The following OPRM1 variants were observed in gnomAD, a reference collection of about 807,000 sequenced individuals.
OPRM1 encodes the protein opioid receptor mu 1.
OPRM1 carries 27 observed loss-of-function variants against 31.8 expected under a neutral mutation model. The ratio of observed to expected loss-of-function variants is 0.85; its 90% CI spans 0.63 to 1.17. OPRM1 has a LOEUF of 1.17. Among genes scored for constraint, OPRM1 ranks in the 50% most tolerant of loss-of-function variants. OPRM1 has a pLI of 0.00. For synonymous variants in OPRM1, 196 were observed against 189.9 expected, an observed-to-expected ratio of 1.03 and a Z score of -0.26; for missense variants, 536 against 511.1, an observed-to-expected ratio of 1.05 and a Z score of -0.47.
At chr6:154,087,850 A>G (rs1291536093) in intron 1 of OPRM1, 1 of 152,346 alleles carries the variant, frequency 6.6e-6, no homozygotes, top group Non-Finnish European at 1.5e-5. Flanking sequence ...TCCAATGTTT[A>G]CAAGGTATAC....
intron 3 of OPRM1, among the ~76,000 whole-genome samples, chr6:154,140,513 T>G (rs1216105951): frequency 6.6e-6 from 1 of 151,948 alleles, no homozygotes; most frequent in Non-Finnish European, 1.5e-5. Flanking sequence ...TATTTTTAGT[T>G]GAGACAGGGT....
At chr6:154,147,385 T>C (rs898440917) in intron 3 of OPRM1, among the ~76,000 whole-genome samples, 10 of 152,212 alleles carry the variant, frequency 6.6e-5, no homozygotes, top group African/African-American at 2.4e-4. Flanking sequence ...CAATTGGTCC[T>C]AAAGCCTTCG....
intron 3 of OPRM1, among the ~76,000 whole-genome samples, chr6:154,138,907 A>G (rs1338217932): frequency 1.3e-5 from 2 of 152,182 alleles, no homozygotes; most frequent in Non-Finnish European, 2.9e-5. Flanking sequence ...TGATGGATCA[A>G]CCGGCACTAC....
At chr6:154,199,701 C>T in intron 3 of OPRM1, 1 of 1,613,284 alleles carries the variant, frequency 6.2e-7, no homozygotes, top group Non-Finnish European at 8.5e-7. Flanking sequence ...GCAGGCTTAT[C>T]TGGGACAGTA....
chr6:154,159,729 T>C (rs1209231785), intron 3 of OPRM1: 1 of 863,586 alleles, frequency 1.2e-6, no homozygotes, highest in Non-Finnish European at 1.8e-6. Flanking sequence ...CTTGAAGGAC[T>C]GGGTTTCAGT....
At chr6:154,100,220 T>C (rs1794580034) in intron 3 of OPRM1, among the ~76,000 whole-genome samples, 1 of 147,346 alleles carries the variant, frequency 6.8e-6, no homozygotes, top group Non-Finnish European at 1.5e-5. Flanking sequence ...TATTATGACA[T>C]ATCGTAATAT....
At chr6:154,100,499 T>A (rs971287847) in intron 3 of OPRM1, among the ~76,000 whole-genome samples, 2 of 151,670 alleles carry the variant, frequency 1.3e-5, no homozygotes, top group South Asian at 4.1e-4. Context: ...TAGAAACACA[T>A]GCAAAGAAAT....
intron 3 of OPRM1, among the ~76,000 whole-genome samples, chr6:154,115,111 A>AGTTACTTC (rs1299502837): frequency 6.6e-6 from 1 of 152,212 alleles, no homozygotes; most frequent in Non-Finnish European, 1.5e-5. Flanking sequence ...TAGTGGATAC[A>AGTTACTTC]GTTACTTCCT....
Position 154,090,407 on chromosome 6 carries a change from C to T in OPRM1, c.643+229C>T, listed in dbSNP as rs569085253. 2.8e-4 allele frequency among the ~76,000 whole-genome samples: 42 copies of T among 152,224 alleles called. No homozygotes were observed. The South Asian group carries it at 8.1e-3, about 29-fold the overall frequency. On this transcript the variant is annotated intron_variant, in intron 2 of 3. Coordinates refer to ENST00000330432, the MANE Select transcript of OPRM1 (RefSeq NM_000914.5). ...AATGTAATCTATTTATTTCTGATTT[C>T]TCTGTATTTACTTCATAAAAATGGT...
intron 3 of OPRM1, among the ~76,000 whole-genome samples, chr6:154,094,641 C>T (rs1310176523): frequency 6.6e-6 from 1 of 152,196 alleles, no homozygotes; most frequent in East Asian, 1.9e-4. Flanking sequence ...GTTACCCCAG[C>T]CTTGTTCTCA....
At chr6:154,083,391 A>G (rs967719689) in intron 1 of OPRM1, 1 of 152,256 alleles carries the variant, frequency 6.6e-6, no homozygotes, top group Non-Finnish European at 1.5e-5. Context: ...CTTCTACACA[A>G]TTATTATGGG....
chr6:154,102,467 C>G (rs1374188760), intron 3 of OPRM1, among the ~76,000 whole-genome samples: 7 of 152,090 alleles, frequency 4.6e-5, no homozygotes, highest in Admixed American at 4.6e-4. Context: ...TTCCTTTTCC[C>G]TCAAAACTGA....
At chr6:154,139,171 C>T (rs530190173) in intron 3 of OPRM1, among the ~76,000 whole-genome samples, 19 of 152,342 alleles carry the variant, frequency 1.2e-4, no homozygotes, top group South Asian at 4.1e-4. Flanking sequence ...TTCCCTATTG[C>T]GATTCCCCAG....
chr6:154,051,118 A>G (rs1246946675), intron 1 of OPRM1, among the ~76,000 whole-genome samples: 6 of 152,228 alleles, frequency 3.9e-5, no homozygotes, highest in African/African-American at 1.4e-4. Flanking sequence ...GTAAAGCTCT[A>G]AAACATGGAA....
chr6:154,027,447 T>G (rs2128385525), intron 1 of OPRM1, among the ~76,000 whole-genome samples: 1 of 152,198 alleles, frequency 6.6e-6, no homozygotes, highest in Admixed American at 6.5e-5. Flanking sequence ...CAGCACTGGG[T>G]CTTACTCAAG....
In OPRM1 at chr6:154,128,780, G is replaced by A. The variant is rs901160585; in HGVS notation, c.*10059G>A. On this transcript the variant is annotated 3_prime_UTR_variant, in exon 4 of 4. Transcript: ENST00000330432. ...ATGGAGAGCTGAAGGTCTGATAAAT[G>A]GGAACTGCCAGGTAATAGCTATGCT... 6.6e-5 allele frequency among the ~76,000 whole-genome samples: 10 copies of A among 152,180 alleles called. No individual in the cohort carries two copies. Among genetic ancestry groups the A allele is most frequent in the Non-Finnish European group, 1.2e-4 (8 of 68,034 alleles).
intron 3 of OPRM1, among the ~76,000 whole-genome samples, chr6:154,114,386 G>T (rs982398712): frequency 6.6e-6 from 1 of 151,862 alleles, no homozygotes; most frequent in Non-Finnish European, 1.5e-5. Context: ...TTTTATTAAG[G>T]CCTTTCAATA....
chr6:154,106,450 T>G (rs996875252), intron 3 of OPRM1, among the ~76,000 whole-genome samples: 2 of 152,224 alleles, frequency 1.3e-5, no homozygotes, highest in African/African-American at 2.4e-5. Flanking sequence ...TCCCCAGACC[T>G]TACCTAGCAG....
rs73022035 is a variant in OPRM1, at chr6:154,127,971, C to T, written c.*9250C>T. 0.025 allele frequency among the ~76,000 whole-genome samples: 3,732 copies of T among 152,272 alleles called. 75 individuals are homozygous for T. Among genetic ancestry groups the T allele is most frequent in the Non-Finnish European group, 0.041 (2,766 of 68,022 alleles). On this transcript the variant is annotated 3_prime_UTR_variant, in exon 4 of 4. Transcript: ENST00000330432. ...TCATTTGCTTTATGGAAATTCATGGCCCTTATTTCTCAAGGGACCAGAGAA... is the reference window on the plus strand; with the variant it reads ...TCATTTGCTTTATGGAAATTCATGGTCCTTATTTCTCAAGGGACCAGAGAA...
Sources: gnomAD v4.1 joint callset for allele counts (sites outside exome capture counted in the v4.1 genomes callset) on GRCh38, gnomAD v4.1.1 for gene constraint, MANE v1.5 for transcripts, NCBI Gene and HGNC (gene_info 2026-07-23, HGNC 2026-07-21) for gene names.